ST8SIA5: variants seen among roughly 807,000 people sequenced by gnomAD.
ST8SIA5 encodes the protein alpha-2,8-sialyltransferase 8E.
Under a neutral mutation model 40.2 loss-of-function variants are expected in ST8SIA5, and 24 were observed. The observed-to-expected ratio is 0.60, with a 90% CI of 0.43 to 0.84. The LOEUF is 0.84. Ranked by LOEUF, ST8SIA5 falls within the 40% of genes least tolerant of loss-of-function variation. The pLI is 0.00. For synonymous variants in ST8SIA5, 198 were observed against 201.8 expected, an observed-to-expected ratio of 0.98 and a Z score of 0.16; for missense variants, 465 against 498.5, an observed-to-expected ratio of 0.93 and a Z score of 0.64.
chr18:46,737,296 C>T (rs2040044419), intron 1 of ST8SIA5, among the ~76,000 whole-genome samples: 1 of 152,132 alleles, frequency 6.6e-6, no homozygotes, highest in African/African-American at 2.4e-5. Context: ...CTGAAACCTA[C>T]AAGATTTATA....
chr18:46,697,978 G>T (rs2039573123), intron 2 of ST8SIA5, among the ~76,000 whole-genome samples: 1 of 152,078 alleles, frequency 6.6e-6, no homozygotes, highest in Non-Finnish European at 1.5e-5. Flanking sequence ...TGGTAGAGAA[G>T]GTCTTCAACA....
chr18:46,752,237 T>C (rs953256786), intron 1 of ST8SIA5, among the ~76,000 whole-genome samples: 5 of 152,092 alleles, frequency 3.3e-5, no homozygotes, highest in African/African-American at 7.2e-5. Context: ...AACACAGTGA[T>C]TTTCTCTGGC....
intron 1 of ST8SIA5, among the ~76,000 whole-genome samples, chr18:46,712,704 G>T (rs756032): frequency 0.32 from 48,293 of 152,074 alleles, 8,025 homozygotes; most frequent in Admixed American, 0.37. Flanking sequence ...TCTACTGTGT[G>T]CCAGGAACTG....
At chr18:46,732,826 T>C (rs961972296) in intron 1 of ST8SIA5, among the ~76,000 whole-genome samples, 1 of 151,828 alleles carries the variant, frequency 6.6e-6, no homozygotes, top group Non-Finnish European at 1.5e-5. Flanking sequence ...CAAGAAATTG[T>C]GCTGTGAAGA....
At chr18:46,721,831 A>C (rs1224155984) in intron 1 of ST8SIA5, among the ~76,000 whole-genome samples, 3 of 152,218 alleles carry the variant, frequency 2.0e-5, no homozygotes, top group Admixed American at 2.0e-4. Flanking sequence ...CGCCAGCACC[A>C]CATTTTGTCC....
chr18:46,683,896 G>A (rs2039421515), intron 5 of ST8SIA5, among the ~76,000 whole-genome samples: 1 of 152,208 alleles, frequency 6.6e-6, no homozygotes, highest in Non-Finnish European at 1.5e-5. Context: ...CATTCAGAGG[G>A]TCAAGGGACT....
At position 46,693,640 on chromosome 18, in the gene ST8SIA5, C is replaced by T. The variant is rs145371625; in HGVS notation, c.225-1385G>A. Reference sequence around the variant, plus strand: ...CATATAATCATTTCAGTGCTGTATCCCCAGCTTCTAGAACAGTGCTTAGCA... The same window carrying T: ...CATATAATCATTTCAGTGCTGTATCTCCAGCTTCTAGAACAGTGCTTAGCA... On this transcript the variant is annotated intron_variant, in intron 2 of 6. Transcript: ENST00000315087. Among the ~76,000 whole-genome samples, 430 of 152,230 alleles carry T rather than the reference C, an allele frequency of 2.8e-3. 3 individuals carry two copies. The highest frequency in any genetic ancestry group is 9.3e-3 in the African/African-American group (388 of 41,536).
chr18:46,735,905 G>A (rs1302955353), intron 1 of ST8SIA5, among the ~76,000 whole-genome samples: 1 of 152,106 alleles, frequency 6.6e-6, no homozygotes, highest in Non-Finnish European at 1.5e-5. Flanking sequence ...GAGCCACCAT[G>A]TCTGGACATG....
intron 6 of ST8SIA5, among the ~76,000 whole-genome samples, chr18:46,681,541 G>C (rs2144459132): frequency 6.6e-6 from 1 of 152,290 alleles, no homozygotes; most frequent in South Asian, 2.1e-4. Flanking sequence ...CTCAGTGTGA[G>C]CTTCTCCCCA....
intron 1 of ST8SIA5, among the ~76,000 whole-genome samples, chr18:46,731,461 C>T (rs981522192): frequency 6.6e-6 from 1 of 152,206 alleles, no homozygotes; most frequent in Non-Finnish European, 1.5e-5. Flanking sequence ...CACTGAGCAC[C>T]GGGCTCAGGG....
intron 1 of ST8SIA5, among the ~76,000 whole-genome samples, chr18:46,725,042 A>AGGAAGGAG (rs1568270559): frequency 1.3e-5 from 2 of 150,712 alleles, no homozygotes; most frequent in African/African-American, 2.5e-5. Flanking sequence ...GAAGGAAGGA[A>AGGAAGGAG]GGAAGGAAAA....
chr18:46,688,717 G>A lies in ST8SIA5; in HGVS notation c.456+58C>T. ...AAACCCCAGGGACATTGCCACGGAG[G>A]GCTACTGCTGGATTGGCTCCCTCGC... On this transcript the variant is annotated intron_variant, in intron 4 of 6. Transcript: ENST00000315087. 4 of 1,562,274 alleles carry A rather than the reference G, an allele frequency of 2.6e-6. No homozygotes were observed. In the South Asian group the frequency reaches 4.9e-5, roughly 19 times the overall value.
At chr18:46,692,316 C>T in intron 2 of ST8SIA5, 61 bp from the exon 3 acceptor site, 1 of 1,490,744 alleles carries the variant, frequency 6.7e-7, no homozygotes, top group Non-Finnish European at 9.4e-7. Flanking sequence ...CGCGATCATT[C>T]CCAGAAATGC....
intron 1 of ST8SIA5, among the ~76,000 whole-genome samples, chr18:46,726,014 GGA>G (rs2039924607): frequency 2.7e-5 from 1 of 36,378 alleles, no homozygotes. Flanking sequence ...TATATATCCT[GGA>G]TATATATATA....
chr18:46,696,244 C>T (rs529474524), intron 2 of ST8SIA5, among the ~76,000 whole-genome samples: 46 of 152,306 alleles, frequency 3.0e-4, no homozygotes, highest in African/African-American at 1.0e-3. Flanking sequence ...AACCTCCCCT[C>T]TCAGGACCTC....
At position 46,725,972 on chromosome 18, in the gene ST8SIA5, A is replaced by AAAAAAATATAT. The variant is rs59660372; in HGVS notation, c.132-21309_132-21308insATATATTTTTT. Among the ~76,000 whole-genome samples, 114 of 29,030 alleles carry AAAAAAATATAT rather than the reference A, an allele frequency of 3.9e-3. 2 individuals are homozygous for AAAAAAATATAT. Among genetic ancestry groups the AAAAAAATATAT allele is most frequent in the Non-Finnish European group, 5.5e-3 (92 of 16,722 alleles). 19.0% of individuals were successfully genotyped at this position (29,030 alleles called of 152,430 possible). A position where few individuals can be genotyped will look rare whatever the true frequency, so the allele number is the denominator to read the frequency against. ...CCCATCTCTACTTAAAAAAAAAAAAAATATATATATATATATATATATATA... is the reference window on the plus strand; with the variant it reads ...CCCATCTCTACTTAAAAAAAAAAAAAAAAAAATATATATATATATATATATATATATATATA... On this transcript the variant is annotated intron_variant, in intron 1 of 6. Transcript: ENST00000315087.
chr18:46,746,696 G>A (rs764604900), intron 1 of ST8SIA5, among the ~76,000 whole-genome samples: 84 of 151,680 alleles, frequency 5.5e-4, no homozygotes, highest in Middle Eastern at 3.4e-3. Flanking sequence ...AATGACTTTC[G>A]TCACAGAATT....
At chr18:46,710,413 T>TTG (rs1555695728) in intron 1 of ST8SIA5, among the ~76,000 whole-genome samples, 1 of 127,506 alleles carries the variant, frequency 7.8e-6, no homozygotes, top group Non-Finnish European at 1.6e-5. Flanking sequence ...CTTTCTTTCT[T>TTG]TCTTTTTCTT....
At position 46,675,866 on chromosome 18, in the gene ST8SIA5, A is replaced by C. The variant is rs2144446999; in HGVS notation, c.*4176T>G. The C allele has an allele frequency of 6.6e-6, 1 of 151,608 alleles. No homozygotes were observed. The highest frequency in any genetic ancestry group is 2.1e-4 in the South Asian group (1 of 4,744). The allele number at this position is 151,608 out of a possible 1,614,324, so 9.4% of individuals were successfully genotyped here. On this transcript the variant is annotated 3_prime_UTR_variant, in exon 7 of 7. Transcript: ENST00000315087. ...GGAGTTCGAGACTAGCCTCGTCAAC[A>C]TAGCAAAACCCCGTTTCTACAAAAA...
Sources: allele counts gnomAD v4.1 joint callset (sites outside exome capture counted in the v4.1 genomes callset), GRCh38; gene constraint gnomAD v4.1.1; transcripts MANE v1.5; gene names NCBI Gene and HGNC (gene_info 2026-07-23, HGNC 2026-07-21).